The following EPB41 variants were observed in gnomAD, a reference collection of about 807,000 sequenced individuals.
EPB41 encodes protein 4.1.
In EPB41, 65 loss-of-function variants were observed where a neutral mutation model predicts 108.0. That is an observed-to-expected ratio of 0.60 (90% CI 0.49 to 0.74). The LOEUF (loss-of-function observed/expected upper bound fraction) is 0.74, where lower values mean the gene tolerates loss of function less well. EPB41 is among the 30% of genes least tolerant of loss of function. EPB41 has a pLI of 0.00. For missense variants in EPB41, 875 were observed against 1,037.0 expected (o/e 0.84, Z 2.15); for synonymous variants, 336 against 358.9 (o/e 0.94, Z 0.72).
intron 1 of EPB41, among the ~76,000 whole-genome samples, chr1:28,974,285 A>G (rs1195220231): frequency 4.6e-5 from 7 of 152,222 alleles, no homozygotes; most frequent in Admixed American, 4.6e-4. Context: ...TAGCCCCACT[A>G]CTTAGCATAG....
At chr1:28,995,648 C>T (rs973118592) in intron 3 of EPB41, among the ~76,000 whole-genome samples, 1 of 152,152 alleles carries the variant, frequency 6.6e-6, no homozygotes, top group Non-Finnish European at 1.5e-5. Context: ...TTATAATAAA[C>T]CCAGCAGTGT....
intron 1 of EPB41, among the ~76,000 whole-genome samples, chr1:28,943,820 AAAT>A (rs1003345781): frequency 6.6e-6 from 1 of 152,188 alleles, no homozygotes; most frequent in African/African-American, 2.4e-5. Flanking sequence ...TCAAAAGACT[AAAT>A]ATTGAGCTGC....
rs1279044954 is a variant in EPB41 at position 28,993,343 on chromosome 1, A to C, written c.482A>C (p.Glu161Ala). Residue 161 changes from glutamate (E) to alanine (A), a missense_variant, in exon 3 of 21, where the codon GAA becomes GCA. This residue lies in a region of EPB41 where 353 missense variants were observed against 393.2 expected (regional missense o/e 0.90). Coordinates refer to ENST00000343067, the MANE Select transcript of EPB41 (RefSeq NM_001376013.1). ...SSAETQPAQE[E>A]LREDPDFEIK... is the part of the protein sequence containing the mutation. The stretch of plus-strand genomic sequence containing the variant: ...ATGGATATGTAGCCTGCTCAGGAAG[A>C]ACTCAGAGAAGATCCAGATTTTGAA... 9 of 1,612,618 alleles carry C rather than the reference A, an allele frequency of 5.6e-6. No homozygotes were observed. Among genetic ancestry groups the C allele is most frequent in the Non-Finnish European group, 7.6e-6 (9 of 1,179,966 alleles).
At chr1:29,004,652 TG>T (rs2096366729) in intron 4 of EPB41, among the ~76,000 whole-genome samples, 1 of 152,258 alleles carries the variant, frequency 6.6e-6, no homozygotes, top group Non-Finnish European at 1.5e-5. Flanking sequence ...TCTTGTCTTT[TG>T]CTACAGAGAT....
chr1:28,966,500 G>T (rs1478368036), intron 1 of EPB41, among the ~76,000 whole-genome samples: 1 of 152,146 alleles, frequency 6.6e-6, no homozygotes, highest in African/African-American at 2.4e-5. Flanking sequence ...ACAATCCTTT[G>T]CTCCAATGGA....
chr1:28,931,559 C>T (rs1361738704), intron 1 of EPB41, among the ~76,000 whole-genome samples: 5 of 147,192 alleles, frequency 3.4e-5, no homozygotes, highest in Admixed American at 1.4e-4. Context: ...GACAAAGTCT[C>T]GCTCTGTTGC....
intron 9 of EPB41, among the ~76,000 whole-genome samples, chr1:29,033,953 T>C (rs968614903): frequency 1.3e-5 from 2 of 152,224 alleles, no homozygotes; most frequent in South Asian, 2.1e-4. Flanking sequence ...ATCATAGTTA[T>C]TTGAAGATCA....
At chr1:29,015,588 AAAG>A (rs2096568013) in intron 5 of EPB41, 101 bp from the exon 6 acceptor site, 17 of 818,294 alleles carry the variant, frequency 2.1e-5, no homozygotes, top group Non-Finnish European at 2.8e-5. Flanking sequence ...GAAAAAAAAA[AAAG>A]AAAGAAAAAG....
At chr1:28,931,709 T>C in intron 1 of EPB41, among the ~76,000 whole-genome samples, 1 of 151,098 alleles carries the variant, frequency 6.6e-6, no homozygotes, top group African/African-American at 2.4e-5. Flanking sequence ...TTTTTTTTTG[T>C]ATTGTTGGTA....
intron 1 of EPB41, among the ~76,000 whole-genome samples, chr1:28,957,777 G>A (rs2095021558): frequency 6.6e-6 from 1 of 152,024 alleles, no homozygotes; most frequent in African/African-American, 2.4e-5. Context: ...TTGCTGTGGG[G>A]AAAAAATCAA....
chr1:28,974,855 C>T (rs1239723638), intron 1 of EPB41, among the ~76,000 whole-genome samples: 5 of 150,764 alleles, frequency 3.3e-5, no homozygotes, highest in East Asian at 1.9e-4. Context: ...AGTGCCGTGG[C>T]GTGATCTTGG....
At chr1:28,939,304 G>T (rs2148729504) in intron 1 of EPB41, among the ~76,000 whole-genome samples, 1 of 152,142 alleles carries the variant, frequency 6.6e-6, no homozygotes, top group South Asian at 2.1e-4. Flanking sequence ...TGCATTGATT[G>T]ACTTTTGTAT....
Position 28,979,274 on chromosome 1 carries a change from C to G in EPB41, c.-7-8157C>G, listed in dbSNP as rs546959782. ...CTGCAATGGCCAAGCAATACCAAAA[C>G]TTTCCAATGGACCACATATACTTAC... On this transcript the variant is annotated intron_variant, in intron 1 of 20. Transcript: ENST00000343067. 3.3e-5 allele frequency among the ~76,000 whole-genome samples: 5 copies of G among 151,648 alleles called. No homozygotes were observed. The South Asian group carries it at 1.0e-3, about 32-fold the overall frequency.
At position 29,060,402 on chromosome 1, in the gene EPB41, C is replaced by T; in HGVS notation, c.1945-20C>T. ...TTAATTTTTTATGCTTTTCTGTTTT[C>T]CCCCCTTTCATTTTCACAGAAAAAG... On this transcript the variant is annotated intron_variant, in intron 14 of 20. Coordinates refer to ENST00000343067, the MANE Select transcript of EPB41 (RefSeq NM_001376013.1). The T allele has an allele frequency of 1.2e-6, 2 of 1,608,090 alleles. No homozygotes were observed. Among genetic ancestry groups the T allele is most frequent in the Non-Finnish European group, 8.5e-7 (1 of 1,175,090 alleles).
At chr1:29,109,313 A>G (rs763239340) in intron 17 of EPB41, 23 bp from the exon 18 acceptor site, 1 of 1,589,924 alleles carries the variant, frequency 6.3e-7, no homozygotes, top group East Asian at 2.2e-5. Context: ...AGGCATGATG[A>G]TGAGCCATGC....
chr1:29,014,584 G>A (rs1285992997), intron 5 of EPB41, among the ~76,000 whole-genome samples: 1 of 151,712 alleles, frequency 6.6e-6, no homozygotes, highest in Non-Finnish European at 1.5e-5. Context: ...TATATTTTTA[G>A]AGATGGGGTT....
intron 1 of EPB41, among the ~76,000 whole-genome samples, chr1:28,901,706 G>A (rs2091339149): frequency 6.6e-6 from 1 of 151,902 alleles, no homozygotes; most frequent in African/African-American, 2.4e-5. Flanking sequence ...TCTAATTTTT[G>A]TATTTTTAGT....
chr1:29,010,393 A>G (rs1276113183), intron 4 of EPB41, among the ~76,000 whole-genome samples: 5 of 152,152 alleles, frequency 3.3e-5, no homozygotes, highest in African/African-American at 1.2e-4. Flanking sequence ...GGACAAGGGA[A>G]GGGGAGGGAT....
intron 1 of EPB41, among the ~76,000 whole-genome samples, chr1:28,907,758 A>AG (rs1291308912): frequency 6.6e-6 from 1 of 152,044 alleles, no homozygotes; most frequent in Non-Finnish European, 1.5e-5. Context: ...GACCACAGGC[A>AG]GGTGCCACCA....
Sources: allele counts gnomAD v4.1 joint callset (sites outside exome capture counted in the v4.1 genomes callset), GRCh38; gene constraint gnomAD v4.1.1; regional missense constraint gnomAD v4.1.1; transcripts MANE v1.5; gene names NCBI Gene and HGNC (gene_info 2026-07-23, HGNC 2026-07-21).